Variants in FAM184B observed in about 807,000 individuals in gnomAD.
FAM184B encodes family with sequence similarity 184 member B.
In FAM184B, 111 loss-of-function variants were observed where a neutral mutation model predicts 135.9. The ratio of observed to expected loss-of-function variants is 0.82; its 90% CI spans 0.70 to 0.96. The LOEUF (loss-of-function observed/expected upper bound fraction) is 0.96. Among genes scored for constraint, FAM184B ranks in the 40% least tolerant of loss-of-function variants. FAM184B has a pLI of 0.00. For missense variants in FAM184B, 1,375 were observed against 1,323.9 expected, an observed-to-expected ratio of 1.04 and a Z score of -0.60; for synonymous variants, 552 against 524.8, an observed-to-expected ratio of 1.05 and a Z score of -0.71.
At chr4:17,637,131 A>C (rs1715167522) in intron 14 of FAM184B, among the ~76,000 whole-genome samples, 1 of 151,874 alleles carries the variant, frequency 6.6e-6, no homozygotes, top group East Asian at 1.9e-4. Context: ...GGTTCAAGCG[A>C]TTCTTGTGCC....
rs151125884 is a variant in FAM184B, at chr4:17,654,474, C to T, written c.2038-1491G>A. Reference sequence around the variant, plus strand: ...TTGAGATTGCAGGCATGAGCCACCACGCCCCAGCACCCGCCCCTGCTGCCA... The same window carrying T: ...TTGAGATTGCAGGCATGAGCCACCATGCCCCAGCACCCGCCCCTGCTGCCA... On this transcript the variant is annotated intron_variant, in intron 10 of 17. Coordinates refer to ENST00000265018, the MANE Select transcript of FAM184B (RefSeq NM_015688.2). 1.7e-3 allele frequency among the ~76,000 whole-genome samples: 260 copies of T among 152,266 alleles called. 1 individual carries two copies. Among genetic ancestry groups the T allele is most frequent in the East Asian group, 0.015 (80 of 5,168 alleles).
chr4:17,745,530 C>G (rs925399305), intron 1 of FAM184B, among the ~76,000 whole-genome samples: 1 of 152,178 alleles, frequency 6.6e-6, no homozygotes. Flanking sequence ...TGGCCAAGAC[C>G]CTTTCATGGC....
chr4:17,776,533 T>C (rs377725644), intron 1 of FAM184B, among the ~76,000 whole-genome samples: 2,080 of 152,132 alleles, frequency 0.014, 54 homozygotes, highest in African/African-American at 0.047. Flanking sequence ...GGATTACAGG[T>C]ATGCACCACC....
intron 16 of FAM184B, among the ~76,000 whole-genome samples, chr4:17,634,623 C>T (rs1461204177): frequency 1.3e-5 from 2 of 152,084 alleles, no homozygotes; most frequent in East Asian, 3.8e-4. Flanking sequence ...TGCACCCAGC[C>T]AAAAATACTA....
chr4:17,664,201 G>A (rs1413805255), intron 8 of FAM184B, among the ~76,000 whole-genome samples: 1 of 152,092 alleles, frequency 6.6e-6, no homozygotes, highest in Non-Finnish European at 1.5e-5. Flanking sequence ...GTATAGGTGG[G>A]GATTTCCTCA....
rs114428252 is a variant in FAM184B at position 17,774,508 on chromosome 4, C to A, written c.141+6651G>T. On this transcript the variant is annotated intron_variant, in intron 1 of 17. Coordinates refer to ENST00000265018, the MANE Select transcript of FAM184B (RefSeq NM_015688.2). ...TGCCTGATGCTTTCAAGAACAAAAG[C>A]TTCCCAAAGGGTTTATTTACTGGGG... Among the ~76,000 whole-genome samples, 542 of 152,336 alleles carry A rather than the reference C, an allele frequency of 3.6e-3. 3 individuals carry two copies. The highest frequency in any genetic ancestry group is 0.011 in the African/African-American group (474 of 41,570).
chr4:17,645,922 T>C (rs1397432803), intron 12 of FAM184B, among the ~76,000 whole-genome samples: 3 of 152,132 alleles, frequency 2.0e-5, no homozygotes, highest in Admixed American at 1.3e-4. Context: ...GTGAAGGATA[T>C]GAACAGACAC....
chr4:17,734,864 A>G (rs1560188961), intron 1 of FAM184B, among the ~76,000 whole-genome samples: 1 of 152,056 alleles, frequency 6.6e-6, no homozygotes, highest in Non-Finnish European at 1.5e-5. Context: ...TCATGCTGCT[A>G]TAAAGACACA....
chr4:17,729,524 C>T (rs550617682), intron 1 of FAM184B, among the ~76,000 whole-genome samples: 58 of 152,344 alleles, frequency 3.8e-4, no homozygotes, highest in Non-Finnish European at 6.8e-4. Flanking sequence ...ACACCTCACA[C>T]GGCCAGGTAC....
intron 12 of FAM184B, among the ~76,000 whole-genome samples, chr4:17,644,034 C>T (rs536106233): frequency 6.6e-6 from 1 of 152,324 alleles, no homozygotes; most frequent in East Asian, 1.9e-4. Context: ...GGAAGGCCCC[C>T]AGCATGAGAT....
At chr4:17,769,106 A>T (rs1037701990) in intron 1 of FAM184B, among the ~76,000 whole-genome samples, 7 of 152,200 alleles carry the variant, frequency 4.6e-5, no homozygotes, top group Non-Finnish European at 8.8e-5. Flanking sequence ...CCTGGCCAGT[A>T]AATGTTTCTT....
intron 1 of FAM184B, among the ~76,000 whole-genome samples, chr4:17,724,996 A>G (rs1717609731): frequency 6.6e-6 from 1 of 152,082 alleles, no homozygotes; most frequent in Non-Finnish European, 1.5e-5. Flanking sequence ...AGTGGCTCTC[A>G]ATCTCTATCT....
At chr4:17,734,729 G>C (rs1717867730) in intron 1 of FAM184B, among the ~76,000 whole-genome samples, 1 of 148,446 alleles carries the variant, frequency 6.7e-6, no homozygotes, top group Non-Finnish European at 1.5e-5. Context: ...TTACACTGTT[G>C]GTGGGACTGT....
rs777637533 is a variant in FAM184B, at chr4:17,709,438, C to T, written c.348G>A (p.Glu116=). Residue 116 remains glutamate (E), a synonymous_variant, in exon 2 of 18, where the codon GAG becomes GAA. Coordinates refer to ENST00000265018, the MANE Select transcript of FAM184B (RefSeq NM_015688.2). ...ACGAGGCCGACTCAGCCAGCGCCTC[C>T]TCCGTCAGCCTCTTTTGCAGCTCCA... ...SALELQKRLT[E]EALAESASCR... 6 of 1,520,098 alleles carry T rather than the reference C, an allele frequency of 3.9e-6. No individual in the cohort carries two copies. The African/African-American group carries it at 5.5e-5, about 14-fold the overall frequency. 94.2% of individuals were successfully genotyped at this position (1,520,098 alleles called of 1,614,324 possible). A position where few individuals can be genotyped will look rare whatever the true frequency, so the allele number is the denominator to read the frequency against.
At chr4:17,747,906 G>C (rs1253810351) in intron 1 of FAM184B, among the ~76,000 whole-genome samples, 1 of 117,574 alleles carries the variant, frequency 8.5e-6, no homozygotes, top group Admixed American at 1.1e-4. Context: ...GGGCGACAGA[G>C]CGAGACTCTG....
At chr4:17,681,253 A>G (rs1716426411) in intron 7 of FAM184B, among the ~76,000 whole-genome samples, 1 of 152,174 alleles carries the variant, frequency 6.6e-6, no homozygotes, top group Non-Finnish European at 1.5e-5. Context: ...GGACTGTGTG[A>G]AGTCCTATGG....
rs1716642058 is a variant in FAM184B at position 17,688,409 on chromosome 4, A to G, written c.1596+15T>C. The G allele has an allele frequency of 6.5e-7, 1 of 1,531,454 alleles. No homozygotes were observed. The highest frequency in any genetic ancestry group is 1.2e-5 in the South Asian group (1 of 82,270). The allele number at this position is 1,531,454 out of a possible 1,614,324, so 94.9% of individuals were successfully genotyped here. ...AGAAATATCTTTAATTAAATCTGACAAAGCTGGAGGTTACCTGGGTCTCCA... is the reference window on the plus strand; with the variant it reads ...AGAAATATCTTTAATTAAATCTGACGAAGCTGGAGGTTACCTGGGTCTCCA... On this transcript the variant is annotated intron_variant, in intron 7 of 17. Transcript: ENST00000265018.
rs1022343557 is a variant in FAM184B at position 17,659,940 on chromosome 4, C to T, written c.1824+18G>A. ...AGGATCTCAGGAAGGGGGCACATCC[C>T]CACCAGGGTTGTCCTACCTGGGCTT... On this transcript the variant is annotated intron_variant, in intron 9 of 17. Coordinates refer to ENST00000265018, the MANE Select transcript of FAM184B (RefSeq NM_015688.2). The T allele has an allele frequency of 3.1e-5, 48 of 1,549,606 alleles. No individual in the cohort carries two copies. Among genetic ancestry groups the T allele is most frequent in the Non-Finnish European group, 4.2e-5 (48 of 1,146,642 alleles).
intron 1 of FAM184B, among the ~76,000 whole-genome samples, chr4:17,757,844 T>C (rs1057168805): frequency 2.0e-5 from 3 of 152,198 alleles, no homozygotes; most frequent in Admixed American, 1.3e-4. Flanking sequence ...CTGAGAAATA[T>C]AGTTTCAAGC....
Sources: gnomAD v4.1 joint callset for allele counts (sites outside exome capture counted in the v4.1 genomes callset) on GRCh38, gnomAD v4.1.1 for gene constraint, MANE v1.5 for transcripts, NCBI Gene and HGNC (gene_info 2026-07-23, HGNC 2026-07-21) for gene names.